The following BRWD3 variants were observed in gnomAD, a reference collection of about 807,000 sequenced individuals.
BRWD3 encodes the protein bromodomain and WD repeat-containing protein 3.
BRWD3 carries 10 observed loss-of-function variants against 149.7 expected under a neutral mutation model. That is an observed-to-expected ratio of 0.07 (90% CI 0.04 to 0.11). BRWD3 has a LOEUF of 0.11. BRWD3 is among the 10% of genes least tolerant of loss of function. The probability of loss-of-function intolerance (pLI) is 1.00; values close to 1 mark genes in which losing one functional copy is unlikely to be tolerated. For synonymous variants in BRWD3, 504 were observed against 456.7 expected (o/e 1.10, Z -1.32); for missense variants, 940 against 1,373.2 (o/e 0.68, Z 4.99).
intron 22 of BRWD3, among the ~76,000 whole-genome samples, chrX:80,706,634 A>C (rs903630568): frequency 8.9e-6 from 1 of 112,226 alleles, no homozygotes; most frequent in African/African-American, 3.2e-5. Flanking sequence ...CAATGATAAT[A>C]ATGCCTTCTT....
chrX:80,800,653 A>T (rs1304659184), intron 4 of BRWD3, among the ~76,000 whole-genome samples: 1 of 111,020 alleles, frequency 9.0e-6, no homozygotes, highest in Non-Finnish European at 1.9e-5. Flanking sequence ...ATAAAAAATT[A>T]ACTGGGTTTT....
At chrX:80,799,450 T>C (rs185536380) in intron 4 of BRWD3, among the ~76,000 whole-genome samples, 2 of 112,119 alleles carry the variant, frequency 1.8e-5, no homozygotes, top group East Asian at 5.6e-4. Context: ...TCCAAGACCA[T>C]GGCTACAGAA....
At chrX:80,709,024 C>A (rs2072916796) in intron 21 of BRWD3, among the ~76,000 whole-genome samples, 1 of 111,681 alleles carries the variant, frequency 9.0e-6, no homozygotes, top group African/African-American at 3.3e-5. Context: ...ATTCAATGAT[C>A]TCTATGAGGG....
intron 4 of BRWD3, among the ~76,000 whole-genome samples, chrX:80,803,611 T>A (rs1445269294): frequency 3.6e-5 from 4 of 111,910 alleles, no homozygotes; most frequent in African/African-American, 1.3e-4. Context: ...GATATTGACC[T>A]CTCTCTGTCA....
intron 6 of BRWD3, among the ~76,000 whole-genome samples, chrX:80,779,007 A>G (rs2074028840): frequency 9.0e-6 from 1 of 111,186 alleles, no homozygotes; most frequent in Non-Finnish European, 1.9e-5. Flanking sequence ...TCAAAAACAA[A>G]CAATTTAATT....
chrX:80,790,571 T>A (rs1368089408), intron 6 of BRWD3, among the ~76,000 whole-genome samples: 1 of 110,709 alleles, frequency 9.0e-6, no homozygotes, highest in Non-Finnish European at 1.9e-5. Flanking sequence ...CGGATTCAAA[T>A]CAGTGTAAAG....
At chrX:80,801,881 G>A (rs1171138063) in intron 4 of BRWD3, among the ~76,000 whole-genome samples, 1 of 109,702 alleles carries the variant, frequency 9.1e-6, no homozygotes, top group African/African-American at 3.3e-5. Flanking sequence ...ATAAATTCAG[G>A]ATACAATCAG....
intron 6 of BRWD3, among the ~76,000 whole-genome samples, chrX:80,791,451 C>CT (rs1471957057): frequency 1.8e-5 from 2 of 111,584 alleles, no homozygotes; most frequent in African/African-American, 6.5e-5. Flanking sequence ...AGAAAGGTGA[C>CT]TTTTTGTCTT....
At chrX:80,693,569 G>T (rs1347991765) in intron 27 of BRWD3, among the ~76,000 whole-genome samples, 1 of 111,870 alleles carries the variant, frequency 8.9e-6, no homozygotes, top group Non-Finnish European at 1.9e-5. Context: ...GGTGGTCTCA[G>T]ATAGAGATCA....
chrX:80,767,213 C>T (rs1025600367), intron 6 of BRWD3, among the ~76,000 whole-genome samples: 1 of 112,340 alleles, frequency 8.9e-6, no homozygotes, highest in Admixed American at 9.4e-5. Context: ...CCCAGCACGG[C>T]GTTTGAGCAC....
intron 6 of BRWD3, among the ~76,000 whole-genome samples, chrX:80,757,624 C>T (rs2073757131): frequency 8.9e-6 from 1 of 111,885 alleles, no homozygotes; most frequent in Non-Finnish European, 1.9e-5. Flanking sequence ...ATTCAGAATC[C>T]ATTGTCTCTT....
chrX:80,684,444 T>C (rs972682196), intron 36 of BRWD3, among the ~76,000 whole-genome samples: 1 of 112,034 alleles, frequency 8.9e-6, no homozygotes, highest in African/African-American at 3.2e-5. Context: ...ACAGCTTCCA[T>C]GTCTTGCTTA....
At chrX:80,733,129 CAAAAAA>C in intron 12 of BRWD3, 1 of 82,526 alleles carries the variant, frequency 1.2e-5, no homozygotes, top group Non-Finnish European at 2.1e-5. Context: ...GACACCGTCT[CAAAAAA>C]AAAAAAAAAA....
chrX:80,683,665 T>A (rs949802726), intron 37 of BRWD3, among the ~76,000 whole-genome samples: 1 of 111,715 alleles, frequency 9.0e-6, no homozygotes, highest in African/African-American at 3.2e-5. Flanking sequence ...TCATTATTTG[T>A]TAGAATAAAT....
At chrX:80,725,950 CTATA>C (rs927999284) in intron 14 of BRWD3, among the ~76,000 whole-genome samples, 2 of 110,274 alleles carry the variant, frequency 1.8e-5, no homozygotes, top group East Asian at 2.9e-4. Flanking sequence ...TGTTACATGT[CTATA>C]TAACACATAA....
chrX:80,742,409 T>TGTATGAAATTTAAA (rs768131702), intron 8 of BRWD3, among the ~76,000 whole-genome samples: 1 of 84,413 alleles, frequency 1.2e-5, no homozygotes, highest in African/African-American at 5.3e-5. Context: ...TTTTTGGTTC[T>TGTATGAAATTTAAA]GTAGTTTTTT....
chrX:80,685,661 T>C (rs1190583859), intron 35 of BRWD3, 125 bp from the exon 36 acceptor site: 1 of 543,009 alleles, frequency 1.8e-6, no homozygotes, highest in Non-Finnish European at 3.1e-6. Flanking sequence ...CGGCTGTACT[T>C]TAAGGTGAAG....
intron 4 of BRWD3, among the ~76,000 whole-genome samples, chrX:80,801,203 T>A (rs2074291758): frequency 1.0e-5 from 1 of 99,902 alleles, no homozygotes; most frequent in African/African-American, 3.6e-5. Flanking sequence ...CTAAGGGGCA[T>A]GAGAAAACAT....
At chrX:80,742,801 A>G (rs1453536347) in intron 8 of BRWD3, among the ~76,000 whole-genome samples, 4 of 111,600 alleles carry the variant, frequency 3.6e-5, no homozygotes, top group African/African-American at 1.3e-4. Context: ...TTGGGCTGAG[A>G]CGATGGAGTT....
Sources: gnomAD v4.1 joint callset for allele counts (sites outside exome capture counted in the v4.1 genomes callset) on GRCh38, gnomAD v4.1.1 for gene constraint, MANE v1.5 for transcripts, NCBI Gene and HGNC (gene_info 2026-07-23, HGNC 2026-07-21) for gene names.